The following GLT8D2 variants were observed in gnomAD, a reference collection of about 807,000 sequenced individuals.
The protein encoded by GLT8D2 is glycosyltransferase 8 domain containing 2.
GLT8D2 carries 45 observed loss-of-function variants against 44.5 expected under a neutral mutation model. That is an observed-to-expected ratio of 1.01 (90% CI 0.80 to 1.30). The LOEUF (loss-of-function observed/expected upper bound fraction) is 1.30, where lower values mean the gene tolerates loss of function less well. Among genes scored for constraint, GLT8D2 ranks in the 50% most tolerant of loss-of-function variants. The probability of loss-of-function intolerance (pLI) is 0.00; values close to 1 mark genes in which losing one functional copy is unlikely to be tolerated. For missense variants in GLT8D2, 400 were observed against 430.4 expected (o/e 0.93, Z 0.62); for synonymous variants, 156 against 157.2 (o/e 0.99, Z 0.06).
upstream of GLT8D2, among the ~76,000 whole-genome samples, chr12:104,051,977 A>G (rs1881766953): frequency 6.6e-6 from 1 of 152,132 alleles, no homozygotes. Context: ...CACTCAAAAT[A>G]TGTATATCTA....
intron 4 of GLT8D2, chr12:104,012,836 G>A (rs1230213774): frequency 8.6e-6 from 6 of 696,174 alleles, no homozygotes; most frequent in Non-Finnish European, 1.6e-5. Context: ...CTAATAAAAG[G>A]AGGAAAAGAG....
intron 1 of GLT8D2, among the ~76,000 whole-genome samples, chr12:104,040,816 T>C (rs1880467618): frequency 6.6e-6 from 1 of 152,204 alleles, no homozygotes; most frequent in Non-Finnish European, 1.5e-5. Context: ...GTGTTGTGAC[T>C]TTACTGGGTG....
Position 104,015,016 on chromosome 12 carries a change from C to T in GLT8D2, c.109G>A (p.Ala37Thr), listed in dbSNP as rs17035120. 80,668 of 1,606,068 alleles carry T rather than the reference C, an allele frequency of 0.05. 4,782 individuals carry two copies. The highest frequency in any genetic ancestry group is 0.32 in the East Asian group (14,381 of 44,732). The part of the protein sequence containing the change: ...VHKGTVPKND[A>T]DDESETPEEL... ...AATGAATTCCATGTCTGCTCACCTG[C>T]GTCATTCTTGGGCACAGTCCCCTTA... The change falls in exon 4 of 11, where the codon GCA becomes ACA. Residue 37 changes from alanine (A) to threonine (T), a missense_variant. By Grantham distance (58) the Ala-to-Thr change is moderately conservative. Coordinates refer to ENST00000360814, the MANE Select transcript of GLT8D2 (RefSeq NM_001384711.1).
chr12:104,053,258 A>C (rs1224384321), upstream of GLT8D2, among the ~76,000 whole-genome samples: 2 of 152,108 alleles, frequency 1.3e-5, no homozygotes, highest in South Asian at 2.1e-4. Flanking sequence ...CCTGACCCCC[A>C]CTGTCTGATT....
intron 1 of GLT8D2, among the ~76,000 whole-genome samples, chr12:104,056,997 G>C (rs1882234466): frequency 6.6e-6 from 1 of 152,232 alleles, no homozygotes; most frequent in African/African-American, 2.4e-5. Context: ...TGGCAGTGAA[G>C]TTCAAATCAA....
Position 104,016,774 on chromosome 12 carries a change from A to AGAAGGAAG in GLT8D2, c.20-1677_20-1670dup, listed in dbSNP as rs1160367285. On this transcript the variant is annotated intron_variant, in intron 3 of 10. Transcript: ENST00000360814. ...AAGAAAGAAAGAAAGAAAGAAAGAAAGAAGGAAGGAAGGAAGGAAGGAAGG... is the reference window on the plus strand; with the variant it reads ...AAGAAAGAAAGAAAGAAAGAAAGAAAGAAGGAAGGAAGGAAGGAAGGAAGGAAGGAAGG... Among the ~76,000 whole-genome samples, 205 of 58,370 alleles carry AGAAGGAAG rather than the reference A, an allele frequency of 3.5e-3. 9 individuals carry two copies. The highest frequency in any genetic ancestry group is 0.015 in the African/African-American group (188 of 12,392). 38.3% of individuals were successfully genotyped at this position (58,370 alleles called of 152,430 possible). A position where few individuals can be genotyped will look rare whatever the true frequency, so the allele number is the denominator to read the frequency against.
intron 1 of GLT8D2, among the ~76,000 whole-genome samples, chr12:104,045,347 G>C (rs533041377): frequency 1.3e-5 from 2 of 152,158 alleles, no homozygotes; most frequent in Non-Finnish European, 2.9e-5. Flanking sequence ...AGTGACTTCC[G>C]TGTGTGTGGT....
At chr12:104,048,544 A>G (rs1881407716) in intron 1 of GLT8D2, among the ~76,000 whole-genome samples, 1 of 152,220 alleles carries the variant, frequency 6.6e-6, no homozygotes, top group Admixed American at 6.5e-5. Flanking sequence ...TGAACCTCAC[A>G]TTTTCTCAGC....
chr12:104,000,093 T>C (rs1874000904), intron 5 of GLT8D2, among the ~76,000 whole-genome samples: 1 of 152,138 alleles, frequency 6.6e-6, no homozygotes, highest in South Asian at 2.1e-4. Context: ...ATCCAATTCA[T>C]AATGAGGTTC....
At chr12:104,016,776 AAG>A in intron 3 of GLT8D2, among the ~76,000 whole-genome samples, 1 of 77,820 alleles carries the variant, frequency 1.3e-5, no homozygotes, top group Non-Finnish European at 2.7e-5. Context: ...AGAAAGAAAG[AAG>A]GAAGGAAGGA....
rs143801452 is a variant in GLT8D2, at chr12:104,005,637, C to T, written c.113-2331G>A. 2.8e-3 allele frequency among the ~76,000 whole-genome samples: 427 copies of T among 152,316 alleles called. 3 individuals are homozygous for T. Among genetic ancestry groups the T allele is most frequent in the African/African-American group, 0.01 (422 of 41,552 alleles). On this transcript the variant is annotated intron_variant, in intron 4 of 10. Transcript: ENST00000360814. ...ACCAACAGACACATGAAAAAATGCT[C>T]ACCATCACTGGCCATCAGAGAAATG...
intron 1 of GLT8D2, among the ~76,000 whole-genome samples, chr12:104,027,299 T>C (rs1044834514): frequency 6.6e-6 from 1 of 152,228 alleles, no homozygotes; most frequent in Non-Finnish European, 1.5e-5. Context: ...GTGATATGTA[T>C]GCATCTAACT....
chr12:104,055,031 G>T (rs1373212903), upstream of GLT8D2, among the ~76,000 whole-genome samples: 3 of 152,162 alleles, frequency 2.0e-5, no homozygotes, highest in Non-Finnish European at 2.9e-5. Flanking sequence ...AGTACCCTGG[G>T]GCTAGCAATA....
At chr12:104,013,449 C>A (rs1002961059) in intron 4 of GLT8D2, among the ~76,000 whole-genome samples, 1 of 151,988 alleles carries the variant, frequency 6.6e-6, no homozygotes, top group Non-Finnish European at 1.5e-5. Flanking sequence ...GTATCCCTCA[C>A]GAGTTGATGT....
In GLT8D2 at chr12:104,026,165, G is replaced by C. The variant is rs1450651610; in HGVS notation, c.-163-4674C>G. 4.6e-5 allele frequency among the ~76,000 whole-genome samples: 7 copies of C among 151,672 alleles called. No homozygotes were observed. The East Asian group carries it at 1.4e-3, about 30-fold the overall frequency. On this transcript the variant is annotated intron_variant, in intron 1 of 10. Transcript: ENST00000360814. ...GTGGTGGGCCACACCTGTAATCTCA[G>C]CTACTCGGGAGGCTGAGGCACAAGA...
rs1251663119 is a variant in GLT8D2 at position 103,994,334 on chromosome 12, C to T, written c.767+1G>A. 3 of 1,605,340 alleles carry T rather than the reference C, an allele frequency of 1.9e-6. No homozygotes were observed. The highest frequency in any genetic ancestry group is 1.7e-6 in the Non-Finnish European group (2 of 1,175,022). ...AAAATGGTAGAGAAGCCTTCACGTA[C>T]TCCACATTCTTTTGCATCCATTTCT... On this transcript the variant is annotated splice_donor_variant, in intron 9 of 10. Transcript: ENST00000360814. LOFTEE classifies it high-confidence loss of function.
intron 1 of GLT8D2, among the ~76,000 whole-genome samples, chr12:104,035,132 A>T (rs577654391): frequency 1.3e-5 from 2 of 152,358 alleles, no homozygotes; most frequent in South Asian, 4.2e-4. Flanking sequence ...ACCAACAAAA[A>T]GGACATCCAC....
intron 4 of GLT8D2, chr12:104,012,946 C>A: frequency 1.7e-6 from 1 of 574,214 alleles, no homozygotes; most frequent in South Asian, 2.2e-5. Context: ...AGGAGAGAGG[C>A]CTCAGGAGAA....
chr12:104,042,801 C>A (rs191352657), intron 1 of GLT8D2, among the ~76,000 whole-genome samples: 41 of 152,270 alleles, frequency 2.7e-4, no homozygotes, highest in African/African-American at 9.6e-4. Context: ...ACAAAAATCT[C>A]ATTATGTTTT....
Sources: allele counts gnomAD v4.1 joint callset (sites outside exome capture counted in the v4.1 genomes callset), GRCh38; gene constraint gnomAD v4.1.1; transcripts MANE v1.5; gene names NCBI Gene and HGNC (gene_info 2026-07-23, HGNC 2026-07-21).